The following ERCC6L2 variants were observed in gnomAD, a reference collection of about 807,000 sequenced individuals.
ERCC6L2 encodes the protein DNA excision repair protein ERCC-6-like 2.
A neutral mutation model predicts 132.0 loss-of-function variants in ERCC6L2; 77 were observed. The ratio of observed to expected loss-of-function variants is 0.58; its 90% confidence interval spans 0.49 to 0.71. ERCC6L2 has a LOEUF of 0.71. ERCC6L2 is among the 30% of genes least tolerant of loss of function. The pLI, the probability that ERCC6L2 is intolerant of heterozygous loss-of-function variation, is 0.00. For synonymous variants in ERCC6L2, 583 were observed against 632.4 expected, an observed-to-expected ratio of 0.92 and a Z score of 1.17; for missense variants, 1,542 against 1,837.6, an observed-to-expected ratio of 0.84 and a Z score of 2.94.
intron 16 of ERCC6L2, among the ~76,000 whole-genome samples, chr9:95,976,292 A>G (rs557843015): frequency 1.9e-4 from 29 of 151,914 alleles, no homozygotes; most frequent in Non-Finnish European, 3.7e-4. Flanking sequence ...CTCTCCCAGC[A>G]GTTTTTCCTC....
chr9:96,041,058 A>G (rs149765055), intron 20 of ERCC6L2, among the ~76,000 whole-genome samples: 2 of 152,328 alleles, frequency 1.3e-5, no homozygotes, highest in African/African-American at 4.8e-5. Context: ...GATGCCAATA[A>G]CTTTAAATAA....
chr9:95,899,590 T>TTA (rs150595611), intron 3 of ERCC6L2, among the ~76,000 whole-genome samples: 2,772 of 138,410 alleles, frequency 0.02, 54 homozygotes, highest in African/African-American at 0.038. Context: ...TTTTTTCTCT[T>TTA]TATATATATA....
Position 95,975,180 on chromosome 9 carries a change from GACTTC to G in ERCC6L2, c.3337+2097_3337+2101del, listed in dbSNP as rs1319058919. The stretch of plus-strand genomic sequence containing the variant: ...TGCATTGTATACTACTCCCCTCTTA[GACTTC>G]ACTTAACTGTTGGTCCACAGGTAAC... On this transcript the variant is annotated intron_variant, in intron 16 of 18. Transcript: ENST00000653738. 2.0e-5 allele frequency among the ~76,000 whole-genome samples: 3 copies of G among 151,954 alleles called. No homozygotes were observed. In the South Asian group the frequency reaches 6.2e-4, roughly 31 times the overall value.
intron 17 of ERCC6L2, among the ~76,000 whole-genome samples, chr9:96,001,280 C>T (rs1275079621): frequency 2.0e-5 from 3 of 152,156 alleles, no homozygotes; most frequent in Non-Finnish European, 2.9e-5. Context: ...AATGCTGGCT[C>T]GGGCAGCCTG....
rs1834175425 is a variant in ERCC6L2, at chr9:96,015,841, G to A, written c.*2638G>A. On this transcript the variant is annotated 3_prime_UTR_variant, in exon 19 of 19. Coordinates refer to ENST00000653738, the MANE Select transcript of ERCC6L2 (RefSeq NM_020207.7). Reference sequence around the variant, plus strand: ...TTTATCAATAGTAGTCAAAATGGGAGCAAAAATGCAGAACTGGAGTTTAAA... The same window carrying A: ...TTTATCAATAGTAGTCAAAATGGGAACAAAAATGCAGAACTGGAGTTTAAA... Among the ~76,000 whole-genome samples the A allele has an allele frequency of 6.6e-6, 1 of 152,112 alleles. No individual in the cohort carries two copies. The highest frequency in any genetic ancestry group is 2.4e-5 in the African/African-American group (1 of 41,436).
chr9:95,987,545 A>G (rs534606214), intron 17 of ERCC6L2, among the ~76,000 whole-genome samples: 3 of 152,180 alleles, frequency 2.0e-5, no homozygotes, highest in Non-Finnish European at 2.9e-5. Context: ...ATCCAGGTCA[A>G]ACTGATACAA....
At chr9:95,926,744 A>T (rs1414534413) in intron 9 of ERCC6L2, among the ~76,000 whole-genome samples, 1 of 152,168 alleles carries the variant, frequency 6.6e-6, no homozygotes, top group Non-Finnish European at 1.5e-5. Flanking sequence ...GAACTATGTA[A>T]CACAATGAAT....
intron 9 of ERCC6L2, among the ~76,000 whole-genome samples, chr9:95,927,677 C>T (rs2132784564): frequency 6.6e-6 from 1 of 152,214 alleles, no homozygotes; most frequent in East Asian, 1.9e-4. Context: ...TCATTACATC[C>T]ATCTAGGGAC....
At chr9:95,911,236 G>C (rs546325306) in intron 4 of ERCC6L2, among the ~76,000 whole-genome samples, 6 of 152,096 alleles carry the variant, frequency 3.9e-5, no homozygotes, top group Non-Finnish European at 7.3e-5. Flanking sequence ...CACCCCAAAA[G>C]ATGTTTTGCA....
chr9:95,979,109 A>ATATG (rs1435005400), intron 17 of ERCC6L2, among the ~76,000 whole-genome samples: 4 of 152,238 alleles, frequency 2.6e-5, no homozygotes, highest in Non-Finnish European at 4.4e-5. Context: ...ATAGAACATA[A>ATATG]TATGTTCTAC....
intron 20 of ERCC6L2, among the ~76,000 whole-genome samples, chr9:96,040,800 G>A (rs1346038017): frequency 2.0e-5 from 3 of 152,180 alleles, no homozygotes; most frequent in Non-Finnish European, 4.4e-5. Context: ...AAGGAGAGGC[G>A]AGGCGTGCCC....
At position 95,899,598 on chromosome 9, in the gene ERCC6L2, A is replaced by ATGTG. The variant is rs763050798; in HGVS notation, c.594+1628_594+1629insGTGT. Reference sequence around the variant, plus strand: ...TCTTTCTTTTTTTCTCTTTATATATATATGTGTGTGTGTGTGTGTGTGTGT... The same window carrying ATGTG: ...TCTTTCTTTTTTTCTCTTTATATATATGTGTATGTGTGTGTGTGTGTGTGTGTGT... On this transcript the variant is annotated intron_variant, in intron 3 of 18. Coordinates refer to ENST00000653738, the MANE Select transcript of ERCC6L2 (RefSeq NM_020207.7). 5.1e-3 allele frequency among the ~76,000 whole-genome samples: 583 copies of ATGTG among 113,238 alleles called. 4 individuals carry two copies. Among genetic ancestry groups the ATGTG allele is most frequent in the African/African-American group, 0.022 (539 of 24,284 alleles). The allele number at this position is 113,238 out of a possible 152,430, so 74.3% of individuals were successfully genotyped here.
intron 2 of ERCC6L2, among the ~76,000 whole-genome samples, chr9:95,882,116 G>A (rs1827628612): frequency 6.6e-6 from 1 of 152,138 alleles, no homozygotes; most frequent in Non-Finnish European, 1.5e-5. Flanking sequence ...TTGACACATG[G>A]ACCTCTTCAT....
intron 2 of ERCC6L2, among the ~76,000 whole-genome samples, chr9:95,894,730 G>T (rs1410874110): frequency 3.3e-5 from 5 of 151,692 alleles, no homozygotes; most frequent in Non-Finnish European, 1.5e-5. Context: ...AAGTAGCTGG[G>T]ATCACAGGCA....
chr9:95,879,383 A>G (rs1827468705), intron 1 of ERCC6L2, among the ~76,000 whole-genome samples: 1 of 152,248 alleles, frequency 6.6e-6, no homozygotes, highest in Admixed American at 6.5e-5. Context: ...ATGTTGAATA[A>G]TAGATAATAA....
At chr9:95,888,712 A>C (rs573939173) in intron 2 of ERCC6L2, among the ~76,000 whole-genome samples, 1 of 152,278 alleles carries the variant, frequency 6.6e-6, no homozygotes, top group African/African-American at 2.4e-5. Context: ...ATCTCCTTGC[A>C]TGTCAGTGGA....
intron 17 of ERCC6L2, among the ~76,000 whole-genome samples, chr9:96,001,331 T>C (rs916783407): frequency 6.6e-6 from 1 of 152,152 alleles, no homozygotes; most frequent in Non-Finnish European, 1.5e-5. Context: ...TCCTGCTGAT[T>C]GGTGGAGCCG....
chr9:95,928,990 T>C (rs1269867493), intron 11 of ERCC6L2, 126 bp downstream of exon 11: 3 of 621,360 alleles, frequency 4.8e-6, no homozygotes, highest in African/African-American at 1.9e-5. Flanking sequence ...AAAAATACTA[T>C]TATGACCGAA....
intron 17 of ERCC6L2, among the ~76,000 whole-genome samples, chr9:95,983,741 C>T (rs536003448): frequency 1.3e-5 from 2 of 152,202 alleles, no homozygotes; most frequent in East Asian, 3.8e-4. Context: ...AAAGGAATTA[C>T]AGTATTTCAG....
Sources: allele counts gnomAD v4.1 joint callset (sites outside exome capture counted in the v4.1 genomes callset), GRCh38; gene constraint gnomAD v4.1.1; transcripts MANE v1.5; gene names NCBI Gene and HGNC (gene_info 2026-07-23, HGNC 2026-07-21).